Variants in CTTNBP2 observed in about 807,000 individuals in gnomAD.
CTTNBP2 encodes the protein cortactin-binding protein 2.
A neutral mutation model predicts 156.9 loss-of-function variants in CTTNBP2; 108 were observed. The observed-to-expected ratio is 0.69, with a 90% CI of 0.59 to 0.81. The LOEUF is 0.81. Among genes scored for constraint, CTTNBP2 ranks in the 30% least tolerant of loss-of-function variants. The probability of loss-of-function intolerance (pLI) is 0.00; values close to 1 mark genes in which losing one functional copy is unlikely to be tolerated. For synonymous variants in CTTNBP2, 767 were observed against 751.8 expected, an observed-to-expected ratio of 1.02 and a Z score of -0.33; for missense variants, 1,924 against 2,035.4, an observed-to-expected ratio of 0.95 and a Z score of 1.05.
At chr7:117,793,486 C>T (rs925996220) in intron 3 of CTTNBP2, 1 of 152,506 alleles carries the variant, frequency 6.6e-6, no homozygotes, top group Non-Finnish European at 1.5e-5. Flanking sequence ...CATGGTCCTG[C>T]CTCGGGGTCT....
At chr7:117,847,544 T>A (rs1281098175) in intron 2 of CTTNBP2, among the ~76,000 whole-genome samples, 1 of 152,144 alleles carries the variant, frequency 6.6e-6, no homozygotes, top group East Asian at 1.9e-4. Flanking sequence ...AAAAAGAATG[T>A]TCTAAACTGA....
chr7:117,866,373 A>G (rs559491533), intron 1 of CTTNBP2, among the ~76,000 whole-genome samples: 3 of 152,356 alleles, frequency 2.0e-5, no homozygotes, highest in Middle Eastern at 3.4e-3. Context: ...ATGAGCCACA[A>G]TGGCAGAGAC....
At position 117,792,856 on chromosome 7, in the gene CTTNBP2, A is replaced by G; in HGVS notation, c.415-75T>C. 2 of 1,048,012 alleles carry G rather than the reference A, an allele frequency of 1.9e-6. No homozygotes were observed. The highest frequency in any genetic ancestry group is 2.6e-6 in the Non-Finnish European group (2 of 774,454). The allele number at this position is 1,048,012 out of a possible 1,614,324, so 64.9% of individuals were successfully genotyped here. ...TCACCAAGGAAATGCTTTTTGTGAG[A>G]TTTTTATTAATTTTCTAACAATTAC... On this transcript the variant is annotated intron_variant, in intron 3 of 22. Transcript: ENST00000160373. The surrounding 1 kb of genome is among the most constrained non-coding windows in gnomAD (Gnocchi z 4.2).
At chr7:117,839,828 T>C (rs768265464) in intron 2 of CTTNBP2, among the ~76,000 whole-genome samples, 1 of 152,192 alleles carries the variant, frequency 6.6e-6, no homozygotes, top group Non-Finnish European at 1.5e-5. Context: ...TCCTCCAAAA[T>C]TTCCCTAAAA....
At chr7:117,724,852 G>C (rs1161012411) in intron 18 of CTTNBP2, 120 bp from the exon 19 acceptor site, 2 of 1,260,366 alleles carry the variant, frequency 1.6e-6, no homozygotes, top group Admixed American at 2.6e-5. Context: ...ATCCAAGCTG[G>C]GGTTTTGTGA....
chr7:117,802,436 G>A (rs1584451076), intron 3 of CTTNBP2, among the ~76,000 whole-genome samples: 2 of 91,710 alleles, frequency 2.2e-5, no homozygotes, highest in South Asian at 3.1e-4. Flanking sequence ...TTCAGCATTG[G>A]CAAAAAAAAA....
At chr7:117,762,014 C>T (rs35518124) in intron 9 of CTTNBP2, among the ~76,000 whole-genome samples, 14,381 of 152,140 alleles carry the variant, frequency 0.095, 2,188 homozygotes, top group African/African-American at 0.33. Flanking sequence ...TCTCTCTTTG[C>T]TCCTTGATAT....
chr7:117,758,938 T>G (rs527717972), intron 10 of CTTNBP2, among the ~76,000 whole-genome samples: 1 of 152,278 alleles, frequency 6.6e-6, no homozygotes, highest in African/African-American at 2.4e-5. Flanking sequence ...AGTTTCCACA[T>G]TAGCTGAATG....
At chr7:117,808,171 A>C (rs1198870969) in intron 3 of CTTNBP2, among the ~76,000 whole-genome samples, 1 of 152,192 alleles carries the variant, frequency 6.6e-6, no homozygotes, top group East Asian at 1.9e-4. Context: ...TTCCTTCTTC[A>C]GGGCCAGAAT....
intron 12 of CTTNBP2, among the ~76,000 whole-genome samples, chr7:117,755,149 G>A (rs1208982526): frequency 6.6e-6 from 1 of 152,150 alleles, no homozygotes; most frequent in Admixed American, 6.6e-5. Context: ...TTTTAGGAAG[G>A]GGGACAAAGA....
intron 20 of CTTNBP2, 130 bp from the exon 21 acceptor site, chr7:117,719,766 C>A (rs1380794243): frequency 9.9e-6 from 6 of 603,018 alleles, no homozygotes; most frequent in African/African-American, 9.5e-5. Flanking sequence ...TAAAGTATTT[C>A]ATAAATGTCA....
chr7:117,755,878 G>A (rs560638317), intron 12 of CTTNBP2, among the ~76,000 whole-genome samples: 3 of 152,298 alleles, frequency 2.0e-5, no homozygotes, highest in African/African-American at 4.8e-5. Context: ...CAGGAATGAC[G>A]TGTGCAATTC....
At chr7:117,813,824 GCTCT>G (rs1800424155) in intron 2 of CTTNBP2, among the ~76,000 whole-genome samples, 1 of 152,152 alleles carries the variant, frequency 6.6e-6, no homozygotes, top group African/African-American at 2.4e-5. Flanking sequence ...GCAGAGAAAT[GCTCT>G]CTGATAGAAA....
intron 10 of CTTNBP2, among the ~76,000 whole-genome samples, chr7:117,759,167 G>A (rs924952172): frequency 6.6e-6 from 1 of 151,960 alleles, no homozygotes; most frequent in Non-Finnish European, 1.5e-5. Flanking sequence ...GGAGTGCAGT[G>A]GCTTCATCAT....
chr7:117,725,812 C>T (rs146317781), intron 17 of CTTNBP2, among the ~76,000 whole-genome samples: 1 of 152,220 alleles, frequency 6.6e-6, no homozygotes, highest in African/African-American at 2.4e-5. Flanking sequence ...CTCTGCCTTC[C>T]AAGTAGCTGG....
chr7:117,815,611 A>C (rs961360588), intron 2 of CTTNBP2, among the ~76,000 whole-genome samples: 3 of 152,188 alleles, frequency 2.0e-5, no homozygotes, highest in Non-Finnish European at 2.9e-5. Flanking sequence ...GATGCTGGGC[A>C]GCGCTGACTC....
chr7:117,779,745 TAA>T (rs1798303724), intron 7 of CTTNBP2, among the ~76,000 whole-genome samples: 1 of 150,810 alleles, frequency 6.6e-6, no homozygotes, highest in African/African-American at 2.4e-5. Context: ...TATATATATA[TAA>T]AATACATATG....
chr7:117,838,921 T>C (rs1380606144), intron 2 of CTTNBP2, among the ~76,000 whole-genome samples: 1 of 132,412 alleles, frequency 7.6e-6, no homozygotes, highest in Non-Finnish European at 1.5e-5. Flanking sequence ...TTCTTTAAAG[T>C]GATTTCCACA....
intron 12 of CTTNBP2, among the ~76,000 whole-genome samples, chr7:117,746,530 AAAG>A (rs1324775312): frequency 5.3e-5 from 8 of 152,210 alleles, no homozygotes; most frequent in African/African-American, 1.9e-4. Flanking sequence ...TGGTATATAT[AAAG>A]AAGAATAAAA....
Sources: gnomAD v4.1 joint callset for allele counts (sites outside exome capture counted in the v4.1 genomes callset) on GRCh38, gnomAD v4.1.1 for gene constraint, Gnocchi (gnomAD v3.1) non-coding constraint, MANE v1.5 for transcripts, NCBI Gene and HGNC (gene_info 2026-07-23, HGNC 2026-07-21) for gene names.